The following RET variants were observed in gnomAD, a reference collection of about 807,000 sequenced individuals.
RET encodes proto-oncogene tyrosine-protein kinase receptor Ret.
A neutral mutation model predicts 118.3 loss-of-function variants in RET; 19 were observed. The ratio of observed to expected loss-of-function variants is 0.16; its 90% CI spans 0.11 to 0.24. The LOEUF is 0.24. RET is among the 10% of genes least tolerant of loss of function. RET has a pLI of 1.00. For missense variants in RET, 1,219 were observed against 1,502.1 expected (o/e 0.81, Z 3.12); for synonymous variants, 597 against 644.1 (o/e 0.93, Z 1.11).
chr10:43,084,526 C>T (rs1588852924), intron 1 of RET, among the ~76,000 whole-genome samples: 2 of 152,204 alleles, frequency 1.3e-5, no homozygotes, highest in South Asian at 2.1e-4. Flanking sequence ...AGCATCTCTT[C>T]GAGCCCTCTG....
chr10:43,118,267 C>T, intron 12 of RET, 106 bp from the exon 13 acceptor site: 1 of 862,134 alleles, frequency 1.2e-6, no homozygotes, highest in Non-Finnish European at 1.9e-6. Flanking sequence ...GCAGGCCTCT[C>T]TGTCTGAACT....
At chr10:43,126,478 CAGCCAG>C in intron 18 of RET, 91 bp from the exon 19 acceptor site, 1 of 1,110,996 alleles carries the variant, frequency 9.0e-7, no homozygotes. Flanking sequence ...GGTGGAGACA[CAGCCAG>C]AGCCTCTGCC....
intron 19 of RET, chr10:43,127,219 C>T (rs1442246759): frequency 1.8e-6 from 2 of 1,082,496 alleles, no homozygotes; most frequent in Admixed American, 4.9e-5. Flanking sequence ...CACTGGCGAG[C>T]AGCCACTGGC....
At chr10:43,127,139 G>T in intron 19 of RET, 1 of 1,120,336 alleles carries the variant, frequency 8.9e-7, no homozygotes, top group Non-Finnish European at 1.1e-6. Context: ...CACTCAGCCT[G>T]CACTGGGAGC....
rs1838406342 is a variant in RET at position 43,129,624 on chromosome 10, C to T, written c.*1355C>T. ...ACTTCGCAGAAAAGAGTCGGATTACCAAAACACTGCCTGCTCTTCAGACTT... is the reference window on the plus strand; with the variant it reads ...ACTTCGCAGAAAAGAGTCGGATTACTAAAACACTGCCTGCTCTTCAGACTT... On this transcript the variant is annotated 3_prime_UTR_variant, in exon 20 of 20. Transcript: ENST00000355710. 2 of 256,414 alleles carry T rather than the reference C, an allele frequency of 7.8e-6. No individual in the cohort carries two copies. Among genetic ancestry groups the T allele is most frequent in the Non-Finnish European group, 1.5e-5 (2 of 134,406 alleles). The allele number at this position is 256,414 out of a possible 1,614,324, so 15.9% of individuals were successfully genotyped here.
rs911967612 is a variant in RET at position 43,118,250 on chromosome 10, C to T, written c.2285-123C>T. ...GGCTGGGAGAAGCCTCAAGCAGCAT[C>T]GTCTTTGCAGGCCTCTCTGTCTGAA... is the stretch of plus-strand genomic sequence containing the variant. On this transcript the variant is annotated intron_variant, in intron 12 of 19. Coordinates refer to ENST00000355710, the MANE Select transcript of RET (RefSeq NM_020975.6). 6.5e-6 allele frequency: 5 copies of T among 771,030 alleles called. No individual in the cohort carries two copies. In the South Asian group the frequency reaches 7.4e-5, roughly 11 times the overall value. The allele number at this position is 771,030 out of a possible 1,614,324, so 47.8% of individuals were successfully genotyped here.
At chr10:43,097,938 C>T (rs73252028) in intron 1 of RET, among the ~76,000 whole-genome samples, 1,660 of 152,276 alleles carry the variant, frequency 0.011, 30 homozygotes, top group African/African-American at 0.038. Context: ...CGATTACATA[C>T]AAGTGCAGTA....
chr10:43,112,275 G>T, intron 8 of RET, 51 bp downstream of exon 8: 1 of 1,541,684 alleles, frequency 6.5e-7, no homozygotes. Context: ...TGGCACCGGT[G>T]GAAACGGGGT....
intron 1 of RET, among the ~76,000 whole-genome samples, chr10:43,079,650 T>C (rs1401712068): frequency 1.3e-5 from 2 of 152,156 alleles, no homozygotes; most frequent in African/African-American, 4.8e-5. Context: ...TCTTGGGTCC[T>C]GTTTTGCAGC....
rs763526874 is a variant in RET, at chr10:43,100,519, C to T, written c.134C>T (p.Ala45Val). Residue 45 changes from alanine (A) to valine (V), a missense_variant, in exon 2 of 20, where the codon GCA becomes GTA. Ala to Val is a moderately conservative substitution (Grantham distance 64). Coordinates refer to ENST00000355710, the MANE Select transcript of RET (RefSeq NM_020975.6). ...AYWEKLYVDQ[A>V]AGTPLLYVHA... ...TGGGAGAAGCTGTATGTGGACCAGGCAGCCGGCACGCCCTTGCTGTACGTC... is the reference window on the plus strand; with the variant it reads ...TGGGAGAAGCTGTATGTGGACCAGGTAGCCGGCACGCCCTTGCTGTACGTC... The T allele has an allele frequency of 9.9e-6, 16 of 1,613,688 alleles. No homozygotes were observed. The highest frequency in any genetic ancestry group is 6.7e-5 in the Admixed American group (4 of 59,998).
chr10:43,127,392 AGCAGTT>A, intron 19 of RET: 1 of 1,061,088 alleles, frequency 9.4e-7, no homozygotes, highest in Non-Finnish European at 1.1e-6. Context: ...CTAAAGCTGG[AGCAGTT>A]GCTTTTTGAA....
intron 12 of RET, among the ~76,000 whole-genome samples, chr10:43,118,114 A>G (rs1034756608): frequency 2.0e-4 from 30 of 152,338 alleles, no homozygotes; most frequent in Admixed American, 8.5e-4. Context: ...CCACATACAC[A>G]GGTGGCCCAG....
At chr10:43,121,685 A>T (rs1838221227) in intron 15 of RET, among the ~76,000 whole-genome samples, 2 of 152,198 alleles carry the variant, frequency 1.3e-5, no homozygotes, top group Admixed American at 6.5e-5. Context: ...CACTACCAGC[A>T]GGCCTGTGGC....
chr10:43,077,858 A>ATTGCT (rs1837085350), intron 1 of RET, among the ~76,000 whole-genome samples: 1 of 152,128 alleles, frequency 6.6e-6, no homozygotes, highest in South Asian at 2.1e-4. Context: ...TTTTGAAAAG[A>ATTGCT]TTGCTTTTCC....
chr10:43,080,469 T>C (rs1417100850), intron 1 of RET, among the ~76,000 whole-genome samples: 1 of 152,260 alleles, frequency 6.6e-6, no homozygotes, highest in Non-Finnish European at 1.5e-5. Context: ...AAACAGGTTC[T>C]CATAGCCTAT....
chr10:43,087,948 G>A (rs565678463), intron 1 of RET, among the ~76,000 whole-genome samples: 9 of 152,196 alleles, frequency 5.9e-5, no homozygotes, highest in African/African-American at 1.7e-4. Context: ...GGTAGTGGTG[G>A]TATTGGTGAT....
chr10:43,116,567 C>T lies in RET; in HGVS notation c.2137-17C>T. 1.2e-6 allele frequency: 2 copies of T among 1,613,976 alleles called. No homozygotes were observed. The highest frequency in any genetic ancestry group is 1.7e-6 in the Non-Finnish European group (2 of 1,179,868). On this transcript the variant is annotated splice_polypyrimidine_tract_variant and intron_variant, in intron 11 of 19. Coordinates refer to ENST00000355710, the MANE Select transcript of RET (RefSeq NM_020975.6). ...CTTTTCCCCCCTCTTCTCCCCCTTC[C>T]CTCATTTCCAACATAGGAGGATCCA...
intron 6 of RET, among the ~76,000 whole-genome samples, chr10:43,109,519 A>G (rs1246989846): frequency 2.6e-5 from 4 of 152,186 alleles, no homozygotes; most frequent in African/African-American, 7.2e-5. Context: ...AAATCTGCAT[A>G]TGGTGACTCG....
chr10:43,086,672 T>G (rs1265556791), intron 1 of RET, among the ~76,000 whole-genome samples: 6 of 152,354 alleles, frequency 3.9e-5, no homozygotes, highest in African/African-American at 1.4e-4. Flanking sequence ...AGGAAAGAAA[T>G]TAATTATAAC....
Sources: allele counts gnomAD v4.1 joint callset (sites outside exome capture counted in the v4.1 genomes callset), GRCh38; gene constraint gnomAD v4.1.1; transcripts MANE v1.5; gene names NCBI Gene and HGNC (gene_info 2026-07-23, HGNC 2026-07-21).